NPEPPS: variants seen among roughly 807,000 people sequenced by gnomAD.
NPEPPS encodes aminopeptidase puromycin sensitive.
In NPEPPS, 14 loss-of-function variants were observed where a neutral mutation model predicts 115.5. The ratio of observed to expected loss-of-function variants is 0.12; its 90% CI spans 0.08 to 0.19. The LOEUF is 0.19. Ranked by LOEUF, NPEPPS falls within the 10% of genes least tolerant of loss-of-function variation. NPEPPS has a pLI of 1.00. For synonymous variants in NPEPPS, 285 were observed against 390.6 expected (o/e 0.73, Z 3.19); for missense variants, 523 against 1,110.8 (o/e 0.47, Z 7.52).
chr17:47,597,659 A>C (rs532463327), intron 13 of NPEPPS, among the ~76,000 whole-genome samples: 227 of 152,256 alleles, frequency 1.5e-3, no homozygotes, highest in African/African-American at 5.2e-3. Context: ...GAGCCACTGC[A>C]CACCCAGCCA....
At chr17:47,563,632 A>G (rs963745127) in intron 2 of NPEPPS, among the ~76,000 whole-genome samples, 3 of 151,184 alleles carry the variant, frequency 2.0e-5, no homozygotes, top group Admixed American at 6.6e-5. Flanking sequence ...GTGCAGTGGC[A>G]CGATCTCGGC....
intron 5 of NPEPPS, among the ~76,000 whole-genome samples, chr17:47,583,586 G>GA (rs1228056697): frequency 0.014 from 1,822 of 131,090 alleles, 39 homozygotes; most frequent in African/African-American, 0.046. Flanking sequence ...CCCTATCTCA[G>GA]AAAAAAAAAA....
chr17:47,533,875 C>A (rs1908002872), intron 1 of NPEPPS, among the ~76,000 whole-genome samples: 1 of 152,004 alleles, frequency 6.6e-6, no homozygotes, highest in Non-Finnish European at 1.5e-5. Context: ...TAGATGGCAA[C>A]ACAAAGATGA....
rs543559258 is a variant in NPEPPS at position 47,538,202 on chromosome 17, C to CTTTTTTTTTTTTTTT, written c.255+6656_255+6670dup. Among the ~76,000 whole-genome samples the CTTTTTTTTTTTTTTT allele has an allele frequency of 1.0e-3, 60 of 58,492 alleles. 8 individuals are homozygous for CTTTTTTTTTTTTTTT. Among genetic ancestry groups the CTTTTTTTTTTTTTTT allele is most frequent in the African/African-American group, 2.0e-3 (35 of 17,656 alleles). 38.4% of individuals were successfully genotyped at this position (58,492 alleles called of 152,430 possible). Reference sequence around the variant, plus strand: ...GCCACCGCGCCTAGCCATATCTGTTCTTTTTTTTTTTTTTTTTTTTTTTGA... The same window carrying CTTTTTTTTTTTTTTT: ...GCCACCGCGCCTAGCCATATCTGTTCTTTTTTTTTTTTTTTTTTTTTTTTTTTTTTTTTTTTTTGA... On this transcript the variant is annotated intron_variant, in intron 1 of 22. Coordinates refer to ENST00000322157, the MANE Select transcript of NPEPPS (RefSeq NM_006310.4).
chr17:47,535,711 A>G (rs1288979408), intron 1 of NPEPPS, among the ~76,000 whole-genome samples: 1 of 150,796 alleles, frequency 6.6e-6, no homozygotes, highest in South Asian at 2.1e-4. Context: ...ACTTTTGTAG[A>G]TATTTCATAT....
Position 47,622,425 on chromosome 17 carries a change from CTT to C in NPEPPS, c.*517_*518del, listed in dbSNP as rs57585141. On this transcript the variant is annotated 3_prime_UTR_variant, in exon 23 of 23. Transcript: ENST00000322157. ...GGAGTCAGTGCATAATTCCAAGTGG[CTT>C]TTTTTTTTTTTGGCACGGGGACTGA... 1.5e-3 allele frequency: 218 copies of C among 147,916 alleles called. No individual in the cohort carries two copies. The highest frequency in any genetic ancestry group is 6.6e-3 in the Middle Eastern group (2 of 304). 9.2% of individuals were successfully genotyped at this position (147,916 alleles called of 1,614,324 possible). A position where few individuals can be genotyped will look rare whatever the true frequency, so the allele number is the denominator to read the frequency against.
At chr17:47,540,318 C>T (rs1908656972) in intron 1 of NPEPPS, among the ~76,000 whole-genome samples, 1 of 151,896 alleles carries the variant, frequency 6.6e-6, no homozygotes, top group South Asian at 2.1e-4. Flanking sequence ...CTTTTATATG[C>T]CAACCTTGTT....
chr17:47,589,085 T>C (rs1009093183), intron 9 of NPEPPS, among the ~76,000 whole-genome samples: 1 of 152,040 alleles, frequency 6.6e-6, no homozygotes, highest in Non-Finnish European at 1.5e-5. Context: ...CCAGCTAATT[T>C]TTGCACTTTT....
At chr17:47,569,375 A>C in intron 2 of NPEPPS, 42 bp from the exon 3 acceptor site, 4 of 1,284,150 alleles carry the variant, frequency 3.1e-6, no homozygotes, top group Non-Finnish European at 4.5e-6. Context: ...TCGTCTTGTC[A>C]GTCCAGTCAG....
intron 3 of NPEPPS, among the ~76,000 whole-genome samples, chr17:47,572,881 T>C (rs1204335921): frequency 1.3e-5 from 2 of 152,184 alleles, no homozygotes; most frequent in African/African-American, 2.4e-5. Context: ...GTTCCAGTGA[T>C]TCTCCTGCCT....
chr17:47,558,587 G>A lies in NPEPPS; in HGVS notation c.341-10830G>A, dbSNP rs138846521. 2.3e-4 allele frequency among the ~76,000 whole-genome samples: 35 copies of A among 149,326 alleles called. No homozygotes were observed. The East Asian group carries it at 6.0e-3, about 26-fold the overall frequency. The stretch of plus-strand genomic sequence containing the variant: ...TGGGATTACATGCGCCTGCTACCAC[G>A]CCTGGCTAATTTTTGTGTTTTTGTA... On this transcript the variant is annotated intron_variant, in intron 2 of 22. Transcript: ENST00000322157.
chr17:47,608,071 GACTC>G (rs1231196690), intron 17 of NPEPPS, among the ~76,000 whole-genome samples: 1 of 151,876 alleles, frequency 6.6e-6, no homozygotes, highest in African/African-American at 2.4e-5. Flanking sequence ...TGAACTCCTG[GACTC>G]CAGAAATTCT....
rs1302335089 is a variant in NPEPPS, at chr17:47,569,292, A to G, written c.341-125A>G. 27 of 631,818 alleles carry G rather than the reference A, an allele frequency of 4.3e-5. No homozygotes were observed. In the Middle Eastern group the frequency reaches 2.3e-3, roughly 54 times the overall value. The allele number at this position is 631,818 out of a possible 1,614,324, so 39.1% of individuals were successfully genotyped here. A position where few individuals can be genotyped will look rare whatever the true frequency, so the allele number is the denominator to read the frequency against. On this transcript the variant is annotated intron_variant, in intron 2 of 22. Transcript: ENST00000322157. The stretch of plus-strand genomic sequence containing the variant: ...TTGAAATGAAACTCTTGCTAATAGG[A>G]ACTTAATTCACCAAATTAAGAATAT...
chr17:47,596,928 A>G (rs543106097), intron 13 of NPEPPS, among the ~76,000 whole-genome samples: 3 of 152,276 alleles, frequency 2.0e-5, no homozygotes, highest in East Asian at 3.9e-4. Context: ...CACACCTGTA[A>G]TCCCAGCTAC....
chr17:47,616,968 G>A (rs925253686), intron 19 of NPEPPS, among the ~76,000 whole-genome samples: 2 of 152,012 alleles, frequency 1.3e-5, no homozygotes, highest in East Asian at 3.9e-4. Flanking sequence ...AAGATCAAAA[G>A]AGTCTAAATT....
chr17:47,597,959 A>G (rs1386887582), intron 13 of NPEPPS, among the ~76,000 whole-genome samples: 1 of 152,164 alleles, frequency 6.6e-6, no homozygotes, highest in Non-Finnish European at 1.5e-5. Context: ...GCAATTGATC[A>G]TGTTTGGTGG....
At chr17:47,584,177 C>T (rs1567857969) in intron 5 of NPEPPS, among the ~76,000 whole-genome samples, 3 of 142,090 alleles carry the variant, frequency 2.1e-5, no homozygotes, top group Admixed American at 7.4e-5. Flanking sequence ...GTTGAGATCG[C>T]GCCACTCCAC....
intron 19 of NPEPPS, among the ~76,000 whole-genome samples, chr17:47,618,132 C>T (rs569929246): frequency 1.3e-4 from 19 of 151,982 alleles, no homozygotes; most frequent in Non-Finnish European, 2.5e-4. Flanking sequence ...CCACCCGCCT[C>T]GGCCTCCCAA....
At chr17:47,541,697 A>C (rs1473076520) in intron 1 of NPEPPS, among the ~76,000 whole-genome samples, 1 of 152,172 alleles carries the variant, frequency 6.6e-6, no homozygotes, top group Non-Finnish European at 1.5e-5. Context: ...TTTTAAGTCA[A>C]CTTCTGAATA....
Sources: gnomAD v4.1 joint callset for allele counts (sites outside exome capture counted in the v4.1 genomes callset) on GRCh38, gnomAD v4.1.1 for gene constraint, MANE v1.5 for transcripts, NCBI Gene and HGNC (gene_info 2026-07-23, HGNC 2026-07-21) for gene names.